Variants in ABCA13 observed in about 807,000 individuals in gnomAD.
The protein encoded by ABCA13 is ATP binding cassette subfamily A member 13, also known as ATP-binding cassette sub-family A member 13.
A neutral mutation model predicts 478.7 loss-of-function variants in ABCA13; 476 were observed. That is an observed-to-expected ratio of 0.99 (90% CI 0.92 to 1.07). The LOEUF (loss-of-function observed/expected upper bound fraction) is 1.07. Ranked by LOEUF, ABCA13 falls within the 50% of genes least tolerant of loss-of-function variation. ABCA13 has a pLI of 0.00. For synonymous variants in ABCA13, 2,252 were observed against 2,158.9 expected (o/e 1.04, Z -1.20); for missense variants, 6,060 against 5,910.6 (o/e 1.03, Z -0.83).
At position 48,507,891 on chromosome 7, in the gene ABCA13, T is replaced by C; in HGVS notation, c.13366T>C (p.Cys4456Arg). The change falls in exon 50 of 62, where the codon TGT becomes CGT. Residue 4456 changes from cysteine (C) to arginine (R), a missense_variant. By Grantham distance (180) the Cys-to-Arg change is radical. This residue lies in a region of ABCA13 where 1,627 missense variants were observed against 1,571.0 expected (regional missense o/e 1.04). Transcript: ENST00000435803. ...CCGCAGCCTGGAGAGCATCCGTCAG[T>C]GTGGAGTGGCCCTCTGCATCGTGCT... ...EDKILESIRQ[C>R]GVALCIVLGF... 6.2e-7 allele frequency: 1 copy of C among 1,610,934 alleles called. No homozygotes were observed. Among genetic ancestry groups the C allele is most frequent in the Non-Finnish European group, 8.5e-7 (1 of 1,178,562 alleles).
At chr7:48,198,086 C>G (rs1798179475) in intron 2 of ABCA13, 151 bp from the exon 3 acceptor site, 19 of 796,046 alleles carry the variant, frequency 2.4e-5, no homozygotes, top group African/African-American at 3.5e-5. Flanking sequence ...TTGTTTGATT[C>G]TTTTTGTCTG....
At position 48,410,401 on chromosome 7, in the gene ABCA13, T is replaced by C. The variant is rs1818849146; in HGVS notation, c.12071-119T>C. 4.6e-6 allele frequency: 6 copies of C among 1,307,882 alleles called. No individual in the cohort carries two copies. The South Asian group carries it at 7.6e-5, about 17-fold the overall frequency. The allele number at this position is 1,307,882 out of a possible 1,614,324, so 81.0% of individuals were successfully genotyped here. ...AGGACGCATTTCAATTTTTTTCAGT[T>C]TGAAAATTGGTGAGGATCTTTAAAT... On this transcript the variant is annotated intron_variant, in intron 39 of 61. Transcript: ENST00000435803.
rs369120669 is a variant in ABCA13 at position 48,411,050 on chromosome 7, T to TC, written c.12228+373_12228+374insC. ...TTCTTTCTTTCTTTCTTTCTTTCTT[T>TC]TTCTTTCTTTCTTTCTTTCTTTTTC... On this transcript the variant is annotated intron_variant, in intron 40 of 61. Coordinates refer to ENST00000435803, the MANE Select transcript of ABCA13 (RefSeq NM_152701.5). Among the ~76,000 whole-genome samples, 4 of 62,114 alleles carry TC rather than the reference T, an allele frequency of 6.4e-5. 1 individual carries two copies. Among genetic ancestry groups the TC allele is most frequent in the Non-Finnish European group, 1.1e-4 (3 of 26,720 alleles). The allele number at this position is 62,114 out of a possible 152,430, so 40.7% of individuals were successfully genotyped here.
chr7:48,378,902 C>T (rs1305895896), intron 35 of ABCA13, among the ~76,000 whole-genome samples: 1 of 152,178 alleles, frequency 6.6e-6, no homozygotes. Context: ...CAAAGGGAAG[C>T]AAATGCAGTA....
intron 2 of ABCA13, among the ~76,000 whole-genome samples, chr7:48,196,503 C>T (rs1797952759): frequency 6.6e-6 from 1 of 152,148 alleles, no homozygotes; most frequent in African/African-American, 2.4e-5. Context: ...CAGCAAATTT[C>T]CCCTGGCTCC....
At chr7:48,620,238 G>A (rs1296796331) in intron 59 of ABCA13, among the ~76,000 whole-genome samples, 1 of 79,184 alleles carries the variant, frequency 1.3e-5, no homozygotes, top group Non-Finnish European at 2.5e-5. Context: ...ATTGTATTTA[G>A]TAACAAAAAA....
At chr7:48,192,692 G>T (rs996199224) in intron 1 of ABCA13, among the ~76,000 whole-genome samples, 3 of 152,184 alleles carry the variant, frequency 2.0e-5, no homozygotes, top group African/African-American at 7.2e-5. Flanking sequence ...TTTAATTTCT[G>T]TAATGTCATA....
At chr7:48,505,238 A>G (rs1831098603) in intron 48 of ABCA13, among the ~76,000 whole-genome samples, 1 of 152,164 alleles carries the variant, frequency 6.6e-6, no homozygotes, top group Non-Finnish European at 1.5e-5. Flanking sequence ...AAAGGCTGGC[A>G]TAGCTGGGGA....
rs759671430 is a variant in ABCA13 at position 48,272,577 on chromosome 7, T to A, written c.2911T>A (p.Tyr971Asn). 1.2e-6 allele frequency: 2 copies of A among 1,613,708 alleles called. No homozygotes were observed. The highest frequency in any genetic ancestry group is 1.7e-6 in the Non-Finnish European group (2 of 1,179,694). ...LLQIYSSFYR[Y>N]IYELLNIQSR... ...GCAAATTTATTCTTCATTTTACCGA[T>A]ATATTTATGAATTATTGAATATTCA... Residue 971 changes from tyrosine (Y) to asparagine (N), a missense_variant, in exon 17 of 62, where the codon TAT (tyrosine) becomes AAT (asparagine). Physicochemically the swap from Tyr to Asn is moderately radical, Grantham distance 143. Transcript: ENST00000435803.
intron 39 of ABCA13, among the ~76,000 whole-genome samples, chr7:48,406,925 T>G (rs1286165056): frequency 6.6e-6 from 1 of 151,848 alleles, no homozygotes; most frequent in East Asian, 1.9e-4. Context: ...ATATATATAT[T>G]GCTCTCTGAG....
intron 33 of ABCA13, among the ~76,000 whole-genome samples, chr7:48,373,784 T>C (rs1314647057): frequency 1.3e-5 from 2 of 152,338 alleles, no homozygotes; most frequent in East Asian, 3.9e-4. Flanking sequence ...AATTTGATTT[T>C]CTGTTTACAT....
intron 43 of ABCA13, among the ~76,000 whole-genome samples, chr7:48,465,921 T>C (rs1240735910): frequency 1.3e-5 from 2 of 152,162 alleles, no homozygotes; most frequent in African/African-American, 2.4e-5. Flanking sequence ...TATGTATATT[T>C]GTTAATTTAT....
rs1396056347 is a variant in ABCA13, at chr7:48,455,106, T to A, written c.12635T>A (p.Leu4212Gln). The change falls in exon 43 of 62, where the codon CTG (leucine) becomes CAG (glutamine). Residue 4212 changes from leucine (L) to glutamine (Q), a missense_variant. Leu to Gln is a moderately radical substitution (Grantham distance 113). Coordinates refer to ENST00000435803, the MANE Select transcript of ABCA13 (RefSeq NM_152701.5). ...CTCCGCGCACAAGTGGCCGCGATCC[T>A]GGCCCGGAGGCTCCGCCGCACGCTG... ...QLLRAQVAAI[L>Q]ARRLRRTLRA... The A allele has an allele frequency of 3.2e-6, 5 of 1,555,786 alleles. No homozygotes were observed. The South Asian group carries it at 5.9e-5, about 18-fold the overall frequency.
intron 8 of ABCA13, among the ~76,000 whole-genome samples, chr7:48,234,475 T>G (rs1789649771): frequency 6.6e-6 from 1 of 151,958 alleles, no homozygotes; most frequent in Non-Finnish European, 1.5e-5. Context: ...GCTAGTGGGG[T>G]CCAGGTAGGA....
At chr7:48,643,554 G>A (rs1445744441) in intron 60 of ABCA13, among the ~76,000 whole-genome samples, 161 bp downstream of exon 60, 1 of 152,162 alleles carries the variant, frequency 6.6e-6, no homozygotes, top group Non-Finnish European at 1.5e-5. Flanking sequence ...AAAATAGCAT[G>A]GATAGCTGAT....
At chr7:48,356,270 G>A (rs1027815577) in intron 31 of ABCA13, among the ~76,000 whole-genome samples, 3 of 151,878 alleles carry the variant, frequency 2.0e-5, no homozygotes, top group Non-Finnish European at 4.4e-5. Context: ...TGAGAATGAC[G>A]GCCAAATTAG....
intron 3 of ABCA13, among the ~76,000 whole-genome samples, chr7:48,210,659 C>G (rs556571615): frequency 2.6e-5 from 4 of 151,734 alleles, no homozygotes; most frequent in African/African-American, 9.7e-5. Flanking sequence ...CAAAGTTGAT[C>G]TTGTTATTGA....
At chr7:48,334,788 T>C (rs1805978248) in intron 27 of ABCA13, among the ~76,000 whole-genome samples, 1 of 152,242 alleles carries the variant, frequency 6.6e-6, no homozygotes, top group African/African-American at 2.4e-5. Context: ...TTAAGCATTG[T>C]CCCTTTGGCA....
chr7:48,594,641 C>T (rs1790098278), intron 57 of ABCA13, 69 bp from the exon 58 acceptor site: 3 of 1,441,964 alleles, frequency 2.1e-6, no homozygotes, highest in Admixed American at 3.4e-5. Context: ...GTCTGGCCTC[C>T]CATGTCATTG....
Sources: gnomAD v4.1 joint callset for allele counts (sites outside exome capture counted in the v4.1 genomes callset) on GRCh38, gnomAD v4.1.1 for gene constraint, gnomAD v4.1.1 regional missense constraint, MANE v1.5 for transcripts, NCBI Gene and HGNC (gene_info 2026-07-23, HGNC 2026-07-21) for gene names.